Variants in SLC12A4 observed in about 807,000 individuals in gnomAD.
SLC12A4 encodes the protein solute carrier family 12 member 4.
SLC12A4 carries 84 observed loss-of-function variants against 119.2 expected under a neutral mutation model. The observed-to-expected ratio is 0.70, with a 90% CI of 0.59 to 0.85. The LOEUF (loss-of-function observed/expected upper bound fraction) is 0.85, where lower values mean the gene tolerates loss of function less well. Among genes scored for constraint, SLC12A4 ranks in the 40% least tolerant of loss-of-function variants. The pLI, the probability that SLC12A4 is intolerant of heterozygous loss-of-function variation, is 0.00. For synonymous variants in SLC12A4, 599 were observed against 604.6 expected (o/e 0.99, Z 0.14); for missense variants, 1,298 against 1,476.3 (o/e 0.88, Z 1.98).
At chr16:67,945,920 C>T in intron 20 of SLC12A4, 31 bp downstream of exon 20, 1 of 1,612,856 alleles carries the variant, frequency 6.2e-7, no homozygotes, top group Non-Finnish European at 8.5e-7. Flanking sequence ...GACATGGTAT[C>T]CACGGGGCCA....
At chr16:67,966,430 A>T (rs1470340264) in intron 1 of SLC12A4, among the ~76,000 whole-genome samples, 2 of 152,244 alleles carry the variant, frequency 1.3e-5, no homozygotes, top group Non-Finnish European at 2.9e-5. Context: ...AGTAAATCTG[A>T]ATATGGCCTA....
chr16:67,943,854 G>T lies in SLC12A4; in HGVS notation c.*986C>A. On this transcript the variant is annotated 3_prime_UTR_variant, in exon 24 of 24. Transcript: ENST00000316341. The surrounding 1 kb of genome is among the most constrained non-coding windows in gnomAD (Gnocchi z 4.6). ...GGTACTTATGTCGGGGCTTATGCAG[G>T]GCAGAAGGGCTTTGGCCAGGTCAGC... is the stretch of plus-strand genomic sequence containing the variant. 1.6e-6 allele frequency: 2 copies of T among 1,231,238 alleles called. No individual in the cohort carries two copies. Among genetic ancestry groups the T allele is most frequent in the Non-Finnish European group, 2.2e-6 (2 of 889,468 alleles). The allele number at this position is 1,231,238 out of a possible 1,614,324, so 76.3% of individuals were successfully genotyped here.
At chr16:67,948,925 G>A (rs1173117212) in intron 13 of SLC12A4, among the ~76,000 whole-genome samples, 1 of 152,206 alleles carries the variant, frequency 6.6e-6, no homozygotes, top group Non-Finnish European at 1.5e-5. Context: ...CAGGGCCCCT[G>A]TCAAGTCTGC....
intron 1 of SLC12A4, chr16:67,964,129 TG>T: frequency 3.3e-6 from 5 of 1,493,756 alleles, no homozygotes; most frequent in Non-Finnish European, 4.5e-6. Context: ...CCCCAGGCCG[TG>T]GAGAGCGGAA....
chr16:67,953,077 G>A (rs1216796107), intron 6 of SLC12A4, among the ~76,000 whole-genome samples: 3 of 151,782 alleles, frequency 2.0e-5, no homozygotes, highest in Admixed American at 2.0e-4. Flanking sequence ...CAGTCTGGGT[G>A]ACAGAGTGAG....
In SLC12A4 at chr16:67,964,128, G is replaced by A. The variant is rs1242674410; in HGVS notation, c.116-569C>T. The A allele has an allele frequency of 2.1e-5, 31 of 1,492,760 alleles. No individual in the cohort carries two copies. In the East Asian group the frequency reaches 3.0e-4, roughly 14 times the overall value. The allele number at this position is 1,492,760 out of a possible 1,614,324, so 92.5% of individuals were successfully genotyped here. A position where few individuals can be genotyped will look rare whatever the true frequency, so the allele number is the denominator to read the frequency against. On this transcript the variant is annotated intron_variant, in intron 1 of 23. Coordinates refer to ENST00000316341, the MANE Select transcript of SLC12A4 (RefSeq NM_005072.5). ...CGGGAGGTGGGGCAAGCCCCAGGCC[G>A]TGGAGAGCGGAAGTGGATTCCAGGA...
chr16:67,968,279 G>A lies in SLC12A4; in HGVS notation c.115+160C>T, dbSNP rs1249439458. Among the ~76,000 whole-genome samples the A allele has an allele frequency of 2.6e-5, 4 of 152,052 alleles. No individual in the cohort carries two copies. In the East Asian group the frequency reaches 7.8e-4, roughly 29 times the overall value. ...GAGGAAAATCGTGTCTGCGCGCGCA[G>A]GGCGGGGAGCCAGTGGCAGCGGCGC... On this transcript the variant is annotated intron_variant, in intron 1 of 23. Coordinates refer to ENST00000316341, the MANE Select transcript of SLC12A4 (RefSeq NM_005072.5).
Position 67,944,039 on chromosome 16 carries a change from A to C in SLC12A4, c.*801T>G. The C allele has an allele frequency of 6.5e-7, 1 of 1,547,458 alleles. No individual in the cohort carries two copies. Among genetic ancestry groups the C allele is most frequent in the Non-Finnish European group, 8.7e-7 (1 of 1,145,664 alleles). On this transcript the variant is annotated 3_prime_UTR_variant, in exon 24 of 24. Coordinates refer to ENST00000316341, the MANE Select transcript of SLC12A4 (RefSeq NM_005072.5). The surrounding 1 kb of genome is among the most constrained non-coding windows in gnomAD (Gnocchi z 6.6). ...CATTGAGGAGCCAGAAGGGGGCGGC[A>C]GGAGGGAGCAGCAGCCCCAGCAGCA...
Position 67,948,247 on chromosome 16 carries a change from G to A in SLC12A4, c.1749-88C>T, listed in dbSNP as rs986619352. ...GCTGGGCCTGGCCCAGAAACGGGGC[G>A]TGGCCCGGCCCTGCCCTGCATGGCT... On this transcript the variant is annotated intron_variant, in intron 13 of 23. Coordinates refer to ENST00000316341, the MANE Select transcript of SLC12A4 (RefSeq NM_005072.5). The A allele has an allele frequency of 3.0e-5, 38 of 1,281,006 alleles. No homozygotes were observed. In the East Asian group the frequency reaches 3.9e-4, roughly 13 times the overall value. 79.4% of individuals were successfully genotyped at this position (1,281,006 alleles called of 1,614,324 possible). A position where few individuals can be genotyped will look rare whatever the true frequency, so the allele number is the denominator to read the frequency against.
intron 13 of SLC12A4, among the ~76,000 whole-genome samples, chr16:67,948,764 T>G (rs1036099113): frequency 2.0e-5 from 3 of 151,460 alleles, no homozygotes; most frequent in Admixed American, 2.0e-4. Flanking sequence ...GCCTCTGATT[T>G]GGGCACAAGG....
chr16:67,955,872 C>T (rs530154236), intron 5 of SLC12A4, among the ~76,000 whole-genome samples: 71 of 147,452 alleles, frequency 4.8e-4, no homozygotes, highest in Admixed American at 2.0e-3. Context: ...AGTGAGACTC[C>T]GTCTCAAAAA....
chr16:67,957,396 CCT>C, intron 5 of SLC12A4: 15 of 248,974 alleles, frequency 6.0e-5, no homozygotes, highest in Middle Eastern at 1.6e-3. Context: ...GTCTCGATCT[CCT>C]GCCCTTGTGA....
intron 6 of SLC12A4, chr16:67,954,179 A>G: frequency 2.5e-6 from 1 of 393,868 alleles, no homozygotes; most frequent in Admixed American, 3.1e-5. Flanking sequence ...GGGCTCGTGG[A>G]GGGAGCGCCG....
intron 1 of SLC12A4, among the ~76,000 whole-genome samples, chr16:67,966,048 T>C (rs1203941906): frequency 6.6e-6 from 1 of 152,242 alleles, no homozygotes; most frequent in African/African-American, 2.4e-5. Flanking sequence ...CCTAGGCCTC[T>C]GGGCATTCAG....
rs147429000 is a variant in SLC12A4 at position 67,948,199 on chromosome 16, G to A, written c.1749-40C>T. On this transcript the variant is annotated intron_variant, in intron 13 of 23. Coordinates refer to ENST00000316341, the MANE Select transcript of SLC12A4 (RefSeq NM_005072.5). ...GCGGTTGGCGAAGAGCAGCCTCCTCGGCAGCTGGGGACCTGATGTCAGGCT... is the reference window on the plus strand; with the variant it reads ...GCGGTTGGCGAAGAGCAGCCTCCTCAGCAGCTGGGGACCTGATGTCAGGCT... The A allele has an allele frequency of 4.1e-5, 65 of 1,588,166 alleles. 1 individual carries two copies. In the East Asian group the frequency reaches 7.2e-4, roughly 17 times the overall value.
At chr16:67,965,113 C>G (rs1567428444) in intron 1 of SLC12A4, among the ~76,000 whole-genome samples, 1 of 152,192 alleles carries the variant, frequency 6.6e-6, no homozygotes, top group African/African-American at 2.4e-5. Flanking sequence ...GAGGTCAAGA[C>G]AGTCCACCGT....
Position 67,951,824 on chromosome 16 carries a change from C to G in SLC12A4, c.1131G>C (p.Gln377His), listed in dbSNP as rs1425712088. ...GIPGAAAGVL[Q>H]ENLWSAYLEK... ...AAGACGACGGGAGGGAGGACCCACCCTGGAGCACACCAGCAGCTGCCCCGG... is the reference window on the plus strand; with the variant it reads ...AAGACGACGGGAGGGAGGACCCACCGTGGAGCACACCAGCAGCTGCCCCGG... The change falls in exon 8 of 24, where the codon CAG (glutamine) becomes CAC (histidine). Residue 377 changes from glutamine (Q) to histidine (H), a missense_variant and splice_region_variant. Gln to His is a conservative substitution (Grantham distance 24). Transcript: ENST00000316341. This position sits in a 1 kb window ranked among gnomAD's most constrained non-coding sequence, Gnocchi z 5.2. The G allele has an allele frequency of 1.2e-6, 2 of 1,611,102 alleles. No individual in the cohort carries two copies. Among genetic ancestry groups the G allele is most frequent in the Non-Finnish European group, 1.7e-6 (2 of 1,178,916 alleles).
intron 1 of SLC12A4, chr16:67,966,606 TG>T: frequency 1.0e-6 from 1 of 985,986 alleles, no homozygotes; most frequent in African/African-American, 1.7e-5. Context: ...CAGGCCAAGG[TG>T]GGCTGGATGA....
intron 1 of SLC12A4, among the ~76,000 whole-genome samples, chr16:67,965,752 T>C (rs16957664): frequency 0.055 from 8,334 of 152,234 alleles, 670 homozygotes; most frequent in African/African-American, 0.18. Context: ...TCCCTTCAGC[T>C]ATCACTCTAG....
Sources: allele counts gnomAD v4.1 joint callset (sites outside exome capture counted in the v4.1 genomes callset), GRCh38; gene constraint gnomAD v4.1.1; non-coding constraint Gnocchi (gnomAD v3.1); transcripts MANE v1.5; gene names NCBI Gene and HGNC (gene_info 2026-07-23, HGNC 2026-07-21).